REXO1: variants seen among roughly 807,000 people sequenced by gnomAD.
The protein encoded by REXO1 is REX1, RNA exonuclease 1 homolog.
REXO1 carries 42 observed loss-of-function variants against 102.6 expected under a neutral mutation model. That is an observed-to-expected ratio of 0.41 (90% CI 0.32 to 0.53). The LOEUF (loss-of-function observed/expected upper bound fraction) is 0.53. Among genes scored for constraint, REXO1 ranks in the 20% least tolerant of loss-of-function variants. The pLI, the probability that REXO1 is intolerant of heterozygous loss-of-function variation, is 0.27. For missense variants in REXO1, 1,819 were observed against 1,732.5 expected, an observed-to-expected ratio of 1.05 and a Z score of -0.89; for synonymous variants, 908 against 779.1, an observed-to-expected ratio of 1.17 and a Z score of -2.76.
intron 1 of REXO1, among the ~76,000 whole-genome samples, chr19:1,842,075 G>T (rs1282059139): frequency 6.6e-6 from 1 of 152,150 alleles, no homozygotes; most frequent in African/African-American, 2.4e-5. Context: ...GCCAGGCGTG[G>T]TAGCAGGTGC....
chr19:1,832,537 T>C (rs2069934957), intron 1 of REXO1, among the ~76,000 whole-genome samples: 1 of 152,126 alleles, frequency 6.6e-6, no homozygotes, highest in Non-Finnish European at 1.5e-5. Context: ...GCCTTTCCCT[T>C]GAAATCACAG....
At chr19:1,844,980 A>C (rs955192535) in intron 1 of REXO1, among the ~76,000 whole-genome samples, 4 of 152,140 alleles carry the variant, frequency 2.6e-5, no homozygotes, top group African/African-American at 7.2e-5. Context: ...ACTTTCCTGC[A>C]ATCCTCCCCG....
chr19:1,831,573 T>G (rs1177097227), intron 1 of REXO1, among the ~76,000 whole-genome samples: 6 of 151,800 alleles, frequency 4.0e-5, no homozygotes, highest in African/African-American at 1.5e-4. Flanking sequence ...CCGGTTGTGG[T>G]GGCTCACACC....
At chr19:1,818,319 G>A (rs2069431296) in intron 10 of REXO1, among the ~76,000 whole-genome samples, 163 bp downstream of exon 10, 1 of 152,228 alleles carries the variant, frequency 6.6e-6, no homozygotes, top group African/African-American at 2.4e-5. Context: ...AGAAAATGAG[G>A]CCAAGGGCTA....
chr19:1,846,826 G>A (rs2011562812), intron 1 of REXO1, among the ~76,000 whole-genome samples: 1 of 152,176 alleles, frequency 6.6e-6, no homozygotes, highest in Non-Finnish European at 1.5e-5. Flanking sequence ...CCAGGAGGTC[G>A]AGGCCTCAAA....
At chr19:1,833,127 A>G (rs1427952414) in intron 1 of REXO1, among the ~76,000 whole-genome samples, 1 of 152,134 alleles carries the variant, frequency 6.6e-6, no homozygotes, top group African/African-American at 2.4e-5. Flanking sequence ...TGGAAGGCTG[A>G]GGTGGGAGGA....
chr19:1,816,868 C>T, intron 12 of REXO1, 55 bp from the exon 13 acceptor site: 1 of 1,314,228 alleles, frequency 7.6e-7, no homozygotes, highest in African/African-American at 1.4e-5. Context: ...TCCCTCCCTC[C>T]CCTTCCCTGC....
Position 1,848,437 on chromosome 19 carries a change from C to G in REXO1, c.-79G>C. ...CTCACTGGCGCCGCGGTCGCCGCCG[C>G]CCGCGCCTCACGGACCCCGCCGCCG... is the stretch of plus-strand genomic sequence containing the variant. On this transcript the variant is annotated 5_prime_UTR_variant, in exon 1 of 16. Transcript: ENST00000170168. The G allele has an allele frequency of 1.9e-6, 2 of 1,063,016 alleles. No individual in the cohort carries two copies. Among genetic ancestry groups the G allele is most frequent in the Non-Finnish European group, 2.3e-6 (2 of 869,890 alleles). 65.8% of individuals were successfully genotyped at this position (1,063,016 alleles called of 1,614,324 possible).
In REXO1 at chr19:1,815,944, C is replaced by T; in HGVS notation, c.*122G>A. ...GTTCTCTGGCCGCCAGCTCATCCCG[C>T]TGCTCTGGGCTGCCTCGGCCAGGTG... On this transcript the variant is annotated 3_prime_UTR_variant, in exon 16 of 16. Transcript: ENST00000170168. The surrounding 1 kb of genome is among the most constrained non-coding windows in gnomAD (Gnocchi z 4.0). 6.5e-7 allele frequency: 1 copy of T among 1,535,210 alleles called. No homozygotes were observed.
At position 1,819,111 on chromosome 19, in the gene REXO1, C is replaced by A; in HGVS notation, c.2671G>T (p.Val891Leu). 6.3e-7 allele frequency: 1 copy of A among 1,586,572 alleles called. No homozygotes were observed. The highest frequency in any genetic ancestry group is 8.6e-7 in the Non-Finnish European group (1 of 1,164,574). The change falls in exon 8 of 16, where the codon GTG (valine) becomes TTG (leucine). Residue 891 changes from valine to leucine, a missense_variant. Coordinates refer to ENST00000170168, the MANE Select transcript of REXO1 (RefSeq NM_020695.4). ...GLSKTSGRRVVSHEVVLGGRL... is the reference protein window; with the variant it reads ...GLSKTSGRRVLSHEVVLGGRL... ...CCCCCCAACACCACCTCGTGGGACA[C>A]AACCCTGCGGCCACTGGTTTCTGGA...
At chr19:1,839,871 T>C (rs1285230741) in intron 1 of REXO1, among the ~76,000 whole-genome samples, 1 of 152,176 alleles carries the variant, frequency 6.6e-6, no homozygotes, top group Admixed American at 6.5e-5. Flanking sequence ...TCCTCGGCCG[T>C]GGTGCACGGG....
intron 1 of REXO1, among the ~76,000 whole-genome samples, chr19:1,842,845 G>T (rs1321717110): frequency 1.3e-5 from 2 of 152,242 alleles, no homozygotes; most frequent in Non-Finnish European, 2.9e-5. Context: ...CCCCAGGCCA[G>T]AAAATAGTAC....
chr19:1,827,200 G>A lies in REXO1; in HGVS notation c.1589C>T (p.Ala530Val). The change falls in exon 2 of 16, where the codon GCC (alanine) becomes GTC (valine). Residue 530 changes from alanine to valine, a missense_variant. Coordinates refer to ENST00000170168, the MANE Select transcript of REXO1 (RefSeq NM_020695.4). ...CACGCTCGGCACCCCTGGCCCTGCG[G>A]CCTCGTCCTCACTCTCGTCCCCAAA... ...DLFGDESEDE[A>V]AGPGVPSVWP... The A allele has an allele frequency of 1.3e-6, 2 of 1,540,498 alleles. No homozygotes were observed. The highest frequency in any genetic ancestry group is 1.2e-5 in the South Asian group (1 of 84,108).
rs1167467803 is a variant in REXO1 at position 1,827,962 on chromosome 19, C to A, written c.827G>T (p.Cys276Phe). 6.2e-7 allele frequency: 1 copy of A among 1,613,684 alleles called. No homozygotes were observed. The highest frequency in any genetic ancestry group is 2.2e-5 in the East Asian group (1 of 44,868). ...TGCATCGCAACTGCCAAAGGGGTCA[C>A]AGAGCTTCTTGGGAGCAGGTGTGTA... ...EPYTPAPKKL[C>F]DPFGSCDARF... Residue 276 changes from cysteine to phenylalanine, a missense_variant, in exon 2 of 16, where the codon TGT (cysteine) becomes TTT (phenylalanine). By Grantham distance (205) the Cys-to-Phe change is radical. Coordinates refer to ENST00000170168, the MANE Select transcript of REXO1 (RefSeq NM_020695.4).
At chr19:1,833,567 C>A (rs1226456131) in intron 1 of REXO1, among the ~76,000 whole-genome samples, 1 of 152,206 alleles carries the variant, frequency 6.6e-6, no homozygotes, top group African/African-American at 2.4e-5. Flanking sequence ...CAGGAGGATG[C>A]TCCCGGCAGG....
chr19:1,829,313 A>C (rs1363062518), intron 1 of REXO1, among the ~76,000 whole-genome samples: 1 of 151,794 alleles, frequency 6.6e-6, no homozygotes, highest in Non-Finnish European at 1.5e-5. Flanking sequence ...ATCTTGGCTC[A>C]CCGCAGCCTC....
Position 1,842,263 on chromosome 19 carries a change from G to A in REXO1, c.157+5939C>T, listed in dbSNP as rs1187706194. 2.0e-5 allele frequency among the ~76,000 whole-genome samples: 3 copies of A among 150,840 alleles called. No homozygotes were observed. The East Asian group carries it at 5.8e-4, about 29-fold the overall frequency. The stretch of plus-strand genomic sequence containing the variant: ...CAGCAAAGAAAACACAAAAACAGCA[G>A]GCGGGGCCGCCAGACCGGCATCCTC... On this transcript the variant is annotated intron_variant, in intron 1 of 15. Transcript: ENST00000170168.
chr19:1,834,933 C>G (rs1020074454), intron 1 of REXO1: 3 of 422,732 alleles, frequency 7.1e-6, no homozygotes, highest in African/African-American at 6.2e-5. Context: ...CTGGGCTCCC[C>G]CACCCTGCAG....
rs1165413453 is a variant in REXO1, at chr19:1,826,318, A to G, written c.1912-375T>C. Among the ~76,000 whole-genome samples the G allele has an allele frequency of 1.3e-5, 2 of 152,036 alleles. No homozygotes were observed. Among genetic ancestry groups the G allele is most frequent in the African/African-American group, 4.8e-5 (2 of 41,390 alleles). ...TCCCCCTGGTGGCCAATTTGGGGAC[A>G]CGGGGCCAGGAGACCCAGGGGTCCA... On this transcript the variant is annotated intron_variant, in intron 2 of 15. Transcript: ENST00000170168. This position sits in a 1 kb window ranked among gnomAD's most constrained non-coding sequence, Gnocchi z 4.3.
Sources: gnomAD v4.1 joint callset for allele counts (sites outside exome capture counted in the v4.1 genomes callset) on GRCh38, gnomAD v4.1.1 for gene constraint, Gnocchi (gnomAD v3.1) non-coding constraint, MANE v1.5 for transcripts, NCBI Gene and HGNC (gene_info 2026-07-23, HGNC 2026-07-21) for gene names.